EXOC4: variants seen among roughly 807,000 people sequenced by gnomAD.
EXOC4 encodes SEC8-like 1.
Under a neutral mutation model 107.2 loss-of-function variants are expected in EXOC4, and 71 were observed. That is an observed-to-expected ratio of 0.66 (90% CI 0.55 to 0.81). The LOEUF (loss-of-function observed/expected upper bound fraction) is 0.81, where lower values mean the gene tolerates loss of function less well. Among genes scored for constraint, EXOC4 ranks in the 30% least tolerant of loss-of-function variants. The pLI is 0.00. For missense variants in EXOC4, 1,108 were observed against 1,189.6 expected (o/e 0.93, Z 1.01); for synonymous variants, 456 against 441.2 (o/e 1.03, Z -0.42).
chr7:133,269,224 A>G (rs981918739), intron 1 of EXOC4, among the ~76,000 whole-genome samples: 4 of 152,214 alleles, frequency 2.6e-5, no homozygotes, highest in African/African-American at 4.8e-5. Flanking sequence ...TTCTCTTTAC[A>G]TATGAACTGT....
intron 9 of EXOC4, chr7:133,484,309 G>A (rs1044871020): frequency 1.4e-5 from 10 of 708,916 alleles, no homozygotes; most frequent in Non-Finnish European, 1.9e-5. Context: ...TGTGGGTGCT[G>A]CTTCAAAATG....
intron 17 of EXOC4, among the ~76,000 whole-genome samples, chr7:134,035,979 G>T (rs1290986940): frequency 1.3e-5 from 2 of 152,198 alleles, no homozygotes; most frequent in African/African-American, 2.4e-5. Context: ...AACGGAAATG[G>T]AGAGCTGCTT....
At chr7:133,864,965 AT>A (rs1162894372) in intron 11 of EXOC4, among the ~76,000 whole-genome samples, 1 of 152,046 alleles carries the variant, frequency 6.6e-6, no homozygotes, top group Non-Finnish European at 1.5e-5. Context: ...GGTTTCTAAG[AT>A]TTTTAGTTTT....
chr7:133,660,974 TA>T (rs1803426942), intron 10 of EXOC4, among the ~76,000 whole-genome samples: 1 of 152,152 alleles, frequency 6.6e-6, no homozygotes, highest in African/African-American at 2.4e-5. Flanking sequence ...GAGAAAGAGA[TA>T]AAGTGGTTTG....
At chr7:133,874,237 T>C (rs1798805164) in intron 11 of EXOC4, among the ~76,000 whole-genome samples, 2 of 152,224 alleles carry the variant, frequency 1.3e-5, no homozygotes, top group African/African-American at 4.8e-5. Flanking sequence ...AGCCCAGGTC[T>C]CCTGTTGGCT....
chr7:133,824,601 T>C (rs1797654665), intron 11 of EXOC4, among the ~76,000 whole-genome samples: 1 of 152,168 alleles, frequency 6.6e-6, no homozygotes, highest in Admixed American at 6.5e-5. Context: ...CCATGATAAA[T>C]TACCGTAAAC....
intron 10 of EXOC4, among the ~76,000 whole-genome samples, chr7:133,678,711 A>G (rs1028861935): frequency 6.6e-6 from 1 of 152,024 alleles, no homozygotes; most frequent in Non-Finnish European, 1.5e-5. Context: ...CCTGGGCTCA[A>G]GTGATCCTCC....
chr7:133,257,383 C>CAT (rs1355907764), intron 1 of EXOC4, among the ~76,000 whole-genome samples: 1 of 151,784 alleles, frequency 6.6e-6, no homozygotes, highest in Admixed American at 6.6e-5. Context: ...CACACACACA[C>CAT]ACGTGCACAC....
At chr7:133,563,168 TTAA>T (rs1348465981) in intron 9 of EXOC4, among the ~76,000 whole-genome samples, 2 of 151,776 alleles carry the variant, frequency 1.3e-5, no homozygotes, top group Non-Finnish European at 2.9e-5. Flanking sequence ...TGGTCATTTT[TTAA>T]TGGCCATTTC....
chr7:133,495,254 TAA>T, intron 9 of EXOC4, among the ~76,000 whole-genome samples: 1 of 144,452 alleles, frequency 6.9e-6, no homozygotes, highest in African/African-American at 2.5e-5. Context: ...CTGTCTCCAA[TAA>T]AAAAAAAAAA....
At chr7:133,448,500 G>T (rs1273453004) in intron 7 of EXOC4, among the ~76,000 whole-genome samples, 2 of 151,976 alleles carry the variant, frequency 1.3e-5, no homozygotes, top group Non-Finnish European at 2.9e-5. Flanking sequence ...TAGAGACAGG[G>T]TCTCACTATG....
chr7:133,491,045 G>T (rs1293361321), intron 9 of EXOC4, among the ~76,000 whole-genome samples: 1 of 152,182 alleles, frequency 6.6e-6, no homozygotes, highest in Non-Finnish European at 1.5e-5. Context: ...CATGATGGCA[G>T]CCTGGTTCTA....
chr7:133,975,778 A>G (rs981645113), intron 14 of EXOC4, among the ~76,000 whole-genome samples: 19 of 151,982 alleles, frequency 1.3e-4, no homozygotes, highest in African/African-American at 4.4e-4. Flanking sequence ...CACGCTATTC[A>G]CTTTCACCAT....
intron 10 of EXOC4, among the ~76,000 whole-genome samples, chr7:133,714,453 G>A (rs1315748911): frequency 6.6e-6 from 1 of 152,172 alleles, no homozygotes; most frequent in African/African-American, 2.4e-5. Context: ...CTAAGACTCA[G>A]CCAGGATTCA....
At chr7:133,646,872 T>C (rs1174792287) in intron 10 of EXOC4, among the ~76,000 whole-genome samples, 1 of 152,174 alleles carries the variant, frequency 6.6e-6, no homozygotes, top group African/African-American at 2.4e-5. Flanking sequence ...ACCCAGGTAT[T>C]TGAATGTTCC....
intron 11 of EXOC4, among the ~76,000 whole-genome samples, chr7:133,819,491 T>C (rs972928383): frequency 1.3e-5 from 2 of 151,336 alleles, no homozygotes; most frequent in African/African-American, 4.9e-5. Flanking sequence ...ACTTACTGGA[T>C]GAATGCATGT....
rs193089940 is a variant in EXOC4 at position 133,536,703 on chromosome 7, A to G, written c.1417+56565A>G. Among the ~76,000 whole-genome samples the G allele has an allele frequency of 7.9e-5, 12 of 152,124 alleles. No homozygotes were observed. The East Asian group carries it at 2.3e-3, about 29-fold the overall frequency. ...GACAGAATTTTATTTCTCACATAGA[A>G]GTGTGGGAGTCAAGTGCTGGTGTGG... is the stretch of plus-strand genomic sequence containing the variant. On this transcript the variant is annotated intron_variant, in intron 9 of 17. Coordinates refer to ENST00000253861, the MANE Select transcript of EXOC4 (RefSeq NM_021807.4).
intron 5 of EXOC4, among the ~76,000 whole-genome samples, chr7:133,325,680 A>G (rs1178151262): frequency 6.6e-6 from 1 of 152,062 alleles, no homozygotes; most frequent in East Asian, 1.9e-4. Flanking sequence ...GAATCTGACA[A>G]TTATTTGCCT....
chr7:133,437,824 A>AT (rs1305150968), intron 7 of EXOC4, among the ~76,000 whole-genome samples: 2 of 152,154 alleles, frequency 1.3e-5, no homozygotes, highest in African/African-American at 4.8e-5. Context: ...CTCTCTAATT[A>AT]TACAAATATG....
Sources: gnomAD v4.1 joint callset for allele counts (sites outside exome capture counted in the v4.1 genomes callset) on GRCh38, gnomAD v4.1.1 for gene constraint, MANE v1.5 for transcripts, NCBI Gene and HGNC (gene_info 2026-07-23, HGNC 2026-07-21) for gene names.